PCLO: variants seen among roughly 807,000 people sequenced by gnomAD.
PCLO encodes the protein piccolo presynaptic cytomatrix protein.
PCLO carries 82 observed loss-of-function variants against 427.5 expected under a neutral mutation model. That is an observed-to-expected ratio of 0.19 (90% CI 0.16 to 0.23). The LOEUF (loss-of-function observed/expected upper bound fraction) is 0.23. PCLO is among the 10% of genes least tolerant of loss of function. PCLO has a pLI of 1.00. For missense variants in PCLO, 6,239 were observed against 6,115.9 expected (o/e 1.02, Z -0.67); for synonymous variants, 2,357 against 2,155.4 (o/e 1.09, Z -2.59).
chr7:83,162,587 G>C lies in PCLO; in HGVS notation c.6C>G (p.Gly2=). Residue 2 remains glycine, a synonymous_variant, in exon 1 of 25, where the codon GGC becomes GGG. Coordinates refer to ENST00000333891, the MANE Select transcript of PCLO (RefSeq NM_033026.6). ...CTTCCCCTTCCAAGCTCGCCTCGTTGCCCATGGCTCAGGGAGACTCGGGGC... is the reference window on the plus strand; with the variant it reads ...CTTCCCCTTCCAAGCTCGCCTCGTTCCCCATGGCTCAGGGAGACTCGGGGC... M[G]NEASLEGEGL... 6.5e-7 allele frequency: 1 copy of C among 1,545,726 alleles called. No individual in the cohort carries two copies. Among genetic ancestry groups the C allele is most frequent in the South Asian group, 1.2e-5 (1 of 84,008 alleles).
intron 3 of PCLO, among the ~76,000 whole-genome samples, chr7:83,116,581 G>T (rs1791138988): frequency 6.6e-6 from 1 of 152,106 alleles, no homozygotes; most frequent in South Asian, 2.1e-4. Flanking sequence ...ATTGTGAAAT[G>T]ACTACATCTA....
At chr7:82,910,063 G>T (rs189773978) in intron 7 of PCLO, among the ~76,000 whole-genome samples, 86 of 152,028 alleles carry the variant, frequency 5.7e-4, no homozygotes, top group African/African-American at 1.7e-3. Context: ...CTTTGTAAAA[G>T]AATCTCTAAT....
intron 10 of PCLO, among the ~76,000 whole-genome samples, chr7:82,861,918 A>G (rs1792967218): frequency 6.6e-6 from 1 of 152,004 alleles, no homozygotes; most frequent in Non-Finnish European, 1.5e-5. Flanking sequence ...ATTTCTTGAA[A>G]CAAACGATAA....
At chr7:82,932,588 A>G (rs1794864487) in intron 6 of PCLO, among the ~76,000 whole-genome samples, 2 of 152,238 alleles carry the variant, frequency 1.3e-5, no homozygotes, top group Admixed American at 1.3e-4. Context: ...AACAACATGA[A>G]GGAGAAGTAA....
chr7:82,909,427 AT>A (rs891525247), intron 7 of PCLO, among the ~76,000 whole-genome samples: 1 of 151,474 alleles, frequency 6.6e-6, no homozygotes, highest in Non-Finnish European at 1.5e-5. Context: ...CCCACTAGAA[AT>A]TTTTTTTTAA....
At chr7:82,788,250 TA>T (rs1344087618) in intron 22 of PCLO, among the ~76,000 whole-genome samples, 1 of 147,674 alleles carries the variant, frequency 6.8e-6, no homozygotes, top group African/African-American at 2.5e-5. Context: ...TATATATAAT[TA>T]ATAATTTATA....
intron 3 of PCLO, among the ~76,000 whole-genome samples, chr7:83,069,383 G>A (rs1385755457): frequency 6.6e-6 from 1 of 152,058 alleles, no homozygotes; most frequent in Non-Finnish European, 1.5e-5. Flanking sequence ...TTGTTCTAGA[G>A]TCAACTGTAA....
chr7:83,096,715 C>A (rs1477180734), intron 3 of PCLO, among the ~76,000 whole-genome samples: 1 of 118,178 alleles, frequency 8.5e-6, no homozygotes, highest in East Asian at 2.6e-4. Flanking sequence ...GGTAAATAAA[C>A]CTAAATGGAA....
At chr7:82,788,589 T>C (rs550592143) in intron 22 of PCLO, among the ~76,000 whole-genome samples, 2 of 152,196 alleles carry the variant, frequency 1.3e-5, no homozygotes, top group African/African-American at 4.8e-5. Context: ...TATAATACCA[T>C]AGATGCATAA....
chr7:82,843,790 G>C (rs1419855478), intron 13 of PCLO, among the ~76,000 whole-genome samples: 1 of 151,024 alleles, frequency 6.6e-6, no homozygotes, highest in Non-Finnish European at 1.5e-5. Flanking sequence ...TCAGCCTCCT[G>C]AGCAGCTGGG....
intron 14 of PCLO, among the ~76,000 whole-genome samples, chr7:82,841,056 C>G (rs1335942352): frequency 1.3e-5 from 2 of 151,556 alleles, no homozygotes; most frequent in Non-Finnish European, 2.9e-5. Context: ...AAATACTTCT[C>G]TACAAAAACT....
intron 10 of PCLO, among the ~76,000 whole-genome samples, chr7:82,852,164 T>G (rs2115851606): frequency 6.6e-6 from 1 of 152,234 alleles, no homozygotes; most frequent in Admixed American, 6.6e-5. Flanking sequence ...TCAGTCATAA[T>G]AAGAGATTTA....
At chr7:82,800,831 C>T (rs530006757) in intron 22 of PCLO, among the ~76,000 whole-genome samples, 24 of 151,890 alleles carry the variant, frequency 1.6e-4, no homozygotes, top group African/African-American at 5.3e-4. Flanking sequence ...GTGATCTGCC[C>T]ACCTCGGCCT....
chr7:82,820,375 G>A (rs1791762916), intron 20 of PCLO: 2 of 306,314 alleles, frequency 6.5e-6, no homozygotes. Flanking sequence ...CACTAGCAAT[G>A]AGGCAGTAAT....
intron 2 of PCLO, among the ~76,000 whole-genome samples, chr7:83,137,477 C>T (rs970814213): frequency 2.6e-5 from 4 of 152,198 alleles, no homozygotes; most frequent in Admixed American, 6.5e-5. Context: ...GTCGCCCAGG[C>T]TGGAGTGCAG....
intron 3 of PCLO, among the ~76,000 whole-genome samples, chr7:83,083,461 A>T (rs930779440): frequency 1.3e-5 from 2 of 152,020 alleles, no homozygotes; most frequent in African/African-American, 2.4e-5. Flanking sequence ...TACATTGAGT[A>T]AAAAATTAAA....
intron 22 of PCLO, among the ~76,000 whole-genome samples, chr7:82,764,281 T>G (rs1182061350): frequency 1.3e-5 from 2 of 151,822 alleles, no homozygotes; most frequent in African/African-American, 4.8e-5. Context: ...GAGTTAGACA[T>G]TATAAAAACT....
intron 22 of PCLO, among the ~76,000 whole-genome samples, chr7:82,787,430 C>T (rs1182937633): frequency 6.6e-6 from 1 of 152,040 alleles, no homozygotes; most frequent in Non-Finnish European, 1.5e-5. Flanking sequence ...TTTTAAATAA[C>T]TCAATAATTT....
At chr7:83,138,763 T>A (rs78665456) in intron 2 of PCLO, among the ~76,000 whole-genome samples, 1 of 145,468 alleles carries the variant, frequency 6.9e-6, no homozygotes, top group African/African-American at 2.6e-5. Flanking sequence ...ATACCATAAG[T>A]GGGAGATGAA....
Sources: allele counts gnomAD v4.1 joint callset (sites outside exome capture counted in the v4.1 genomes callset), GRCh38; gene constraint gnomAD v4.1.1; transcripts MANE v1.5; gene names NCBI Gene and HGNC (gene_info 2026-07-23, HGNC 2026-07-21).